The following CASS4 variants were observed in gnomAD, a reference collection of about 807,000 sequenced individuals.
CASS4 encodes Cas scaffold protein family member 4, also known as cas scaffolding protein family member 4.
CASS4 carries 22 observed loss-of-function variants against 54.2 expected under a neutral mutation model. The ratio of observed to expected loss-of-function variants is 0.41; its 90% confidence interval spans 0.29 to 0.58. CASS4 has a LOEUF of 0.58. Among genes scored for constraint, CASS4 ranks in the 20% least tolerant of loss-of-function variants. The probability of loss-of-function intolerance (pLI) is 0.36; values close to 1 mark genes in which losing one functional copy is unlikely to be tolerated. For missense variants in CASS4, 854 were observed against 986.7 expected, an observed-to-expected ratio of 0.87 and a Z score of 1.80; for synonymous variants, 409 against 391.5, an observed-to-expected ratio of 1.04 and a Z score of -0.53.
In CASS4 at chr20:56,452,364, C is replaced by G. The variant is rs1339549446; in HGVS notation, c.1188C>G (p.Asp396Glu). Residue 396 changes from aspartate (D) to glutamate (E), a missense_variant, in exon 5 of 6, where the codon GAC (aspartate) becomes GAG (glutamate). Asp to Glu is a conservative substitution (Grantham distance 45). Coordinates refer to ENST00000679887, the MANE Select transcript of CASS4 (RefSeq NM_020356.4). ...RRTTSPSPEP[D>E]RLSGSSSDSR... ...CAACTTCCCCATCTCCTGAACCGGACAGATTATCAGGTTCCAGTTCTGACA... is the reference window on the plus strand; with the variant it reads ...CAACTTCCCCATCTCCTGAACCGGAGAGATTATCAGGTTCCAGTTCTGACA... 6.2e-7 allele frequency: 1 copy of G among 1,613,984 alleles called. No homozygotes were observed. The highest frequency in any genetic ancestry group is 1.7e-5 in the Admixed American group (1 of 60,028).
At chr20:56,442,330 A>G (rs1439069584) in intron 2 of CASS4, among the ~76,000 whole-genome samples, 1 of 151,840 alleles carries the variant, frequency 6.6e-6, no homozygotes, top group African/African-American at 2.4e-5. Flanking sequence ...AGATGAGGAC[A>G]TTAATTCCCA....
Position 56,437,588 on chromosome 20 carries a change from T to C in CASS4, c.459+2T>C, listed in dbSNP as rs1223796919. On this transcript the variant is annotated splice_donor_variant, in intron 2 of 5. Transcript: ENST00000679887. LOFTEE classifies it high-confidence loss of function. The surrounding 1 kb of genome is among the most constrained non-coding windows in gnomAD (Gnocchi z 4.7). ...AAGACTCTCAGCTTTCCAAAACAGG[T>C]ACGCATACTTCCACCTACTAGACAT... The C allele has an allele frequency of 2.0e-5, 30 of 1,526,264 alleles. No homozygotes were observed. The highest frequency in any genetic ancestry group is 2.6e-5 in the Non-Finnish European group (30 of 1,137,038). The allele number at this position is 1,526,264 out of a possible 1,614,324, so 94.5% of individuals were successfully genotyped here. A position where few individuals can be genotyped will look rare whatever the true frequency, so the allele number is the denominator to read the frequency against.
intron 2 of CASS4, among the ~76,000 whole-genome samples, chr20:56,442,256 A>G (rs1336460281): frequency 1.3e-5 from 2 of 151,792 alleles, no homozygotes; most frequent in African/African-American, 4.9e-5. Context: ...TGTCAGAATC[A>G]GACATCTCTA....
chr20:56,440,156 A>G (rs1980389058), intron 2 of CASS4, among the ~76,000 whole-genome samples: 1 of 152,230 alleles, frequency 6.6e-6, no homozygotes, highest in African/African-American at 2.4e-5. Flanking sequence ...GGCACTCGCT[A>G]CAAACACCAG....
intron 1 of CASS4, among the ~76,000 whole-genome samples, chr20:56,417,612 A>C (rs532551381): frequency 6.6e-6 from 1 of 152,340 alleles, no homozygotes; most frequent in South Asian, 2.1e-4. Context: ...CGGTGCCTAC[A>C]ACAGTGCCTG....
chr20:56,439,651 C>G (rs570860378), intron 2 of CASS4, among the ~76,000 whole-genome samples: 3 of 152,108 alleles, frequency 2.0e-5, no homozygotes, highest in African/African-American at 7.2e-5. Context: ...CCCTGCACTC[C>G]AGCCTGGGTG....
chr20:56,436,336 A>ATGTGTG (rs35972653), intron 1 of CASS4, among the ~76,000 whole-genome samples: 1,672 of 142,452 alleles, frequency 0.012, 31 homozygotes, highest in African/African-American at 0.041. Flanking sequence ...TGCTATATAT[A>ATGTGTG]TGTGTGTGTG....
chr20:56,458,303 T>C lies in CASS4; in HGVS notation c.1954-37T>C, dbSNP rs180782932. 9,681 of 1,575,724 alleles carry C rather than the reference T, an allele frequency of 6.1e-3. 45 individuals are homozygous for C. Among genetic ancestry groups the C allele is most frequent in the Non-Finnish European group, 7.5e-3 (8,686 of 1,152,416 alleles). ...GGGCAGACAGCCACAGCCCATTGATTGAATCTCCTATCTATTTTCTTCCTT... is the reference window on the plus strand; with the variant it reads ...GGGCAGACAGCCACAGCCCATTGATCGAATCTCCTATCTATTTTCTTCCTT... On this transcript the variant is annotated intron_variant, in intron 5 of 5. Coordinates refer to ENST00000679887, the MANE Select transcript of CASS4 (RefSeq NM_020356.4).
chr20:56,448,004 T>C (rs1980806827), intron 3 of CASS4, among the ~76,000 whole-genome samples: 1 of 152,046 alleles, frequency 6.6e-6, no homozygotes, highest in African/African-American at 2.4e-5. Flanking sequence ...TAGCCGGGCA[T>C]GGTGGCAGGT....
chr20:56,418,836 C>T (rs899567368), intron 1 of CASS4, among the ~76,000 whole-genome samples: 2 of 152,202 alleles, frequency 1.3e-5, no homozygotes, highest in Admixed American at 6.5e-5. Context: ...CTGCTGCACA[C>T]CAGGCACTGT....
intron 1 of CASS4, among the ~76,000 whole-genome samples, chr20:56,427,474 C>G (rs548765392): frequency 3.9e-5 from 6 of 152,222 alleles, no homozygotes; most frequent in African/African-American, 1.4e-4. Flanking sequence ...TTAATCTTTC[C>G]TAGCCTGTAT....
chr20:56,419,077 C>T (rs751515479), intron 1 of CASS4, among the ~76,000 whole-genome samples: 5 of 152,022 alleles, frequency 3.3e-5, no homozygotes, highest in Admixed American at 2.0e-4. Context: ...AGGCATTGGC[C>T]GACACGATAA....
intron 1 of CASS4, among the ~76,000 whole-genome samples, chr20:56,418,835 A>G (rs374807005): frequency 2.0e-5 from 3 of 152,318 alleles, no homozygotes; most frequent in East Asian, 1.9e-4. Context: ...CCTGCTGCAC[A>G]CCAGGCACTG....
intron 2 of CASS4, among the ~76,000 whole-genome samples, chr20:56,438,617 G>GGGAGGC (rs1417729491): frequency 6.6e-6 from 1 of 152,218 alleles, no homozygotes; most frequent in Non-Finnish European, 1.5e-5. Context: ...CCAGCACTTT[G>GGGAGGC]GGAGGCGGAG....
At chr20:56,450,465 G>A (rs143283513) in intron 3 of CASS4, 134 bp from the exon 4 acceptor site, 56 of 785,838 alleles carry the variant, frequency 7.1e-5, no homozygotes, top group Admixed American at 2.5e-4. Context: ...ACAGCATCAT[G>A]ACCAAAAGCA....
At chr20:56,439,638 C>T (rs1417821758) in intron 2 of CASS4, among the ~76,000 whole-genome samples, 2 of 151,930 alleles carry the variant, frequency 1.3e-5, no homozygotes, top group South Asian at 2.1e-4. Context: ...ATTACTACGG[C>T]GCCCCTGCAC....
At chr20:56,450,424 C>T (rs758339672) in intron 3 of CASS4, among the ~76,000 whole-genome samples, 175 bp from the exon 4 acceptor site, 5 of 152,168 alleles carry the variant, frequency 3.3e-5, no homozygotes, top group Non-Finnish European at 7.3e-5. Flanking sequence ...ACAAGGAAGG[C>T]GGGAGACCTG....
rs369501809 is a variant in CASS4, at chr20:56,458,719, C to A, written c.2333C>A (p.Thr778Lys). Residue 778 changes from threonine to lysine, a missense_variant, in exon 6 of 6, where the codon ACG becomes AAG. Physicochemically the swap from Thr to Lys is moderately conservative, Grantham distance 78. Transcript: ENST00000679887. ...QAEAEKLEQHTRQFRGTLG is the reference protein window; with the variant it reads ...QAEAEKLEQHKRQFRGTLG ...GAGGCTGAGAAGCTGGAGCAACACA[C>A]GCGGCAGTTCAGAGGGACACTGGGA... 1 of 1,608,968 alleles carries A rather than the reference C, an allele frequency of 6.2e-7. No homozygotes were observed. The highest frequency in any genetic ancestry group is 8.5e-7 in the Non-Finnish European group (1 of 1,177,582).
intron 1 of CASS4, among the ~76,000 whole-genome samples, chr20:56,428,951 T>C (rs2146272344): frequency 7.1e-6 from 1 of 140,244 alleles, no homozygotes; most frequent in East Asian, 2.4e-4. Flanking sequence ...CATTCTTGAG[T>C]TTCTGCAGCT....
Sources: allele counts gnomAD v4.1 joint callset (sites outside exome capture counted in the v4.1 genomes callset), GRCh38; gene constraint gnomAD v4.1.1; non-coding constraint Gnocchi (gnomAD v3.1); transcripts MANE v1.5; gene names NCBI Gene and HGNC (gene_info 2026-07-23, HGNC 2026-07-21).